Variants in FSTL4 observed in about 807,000 individuals in gnomAD.
FSTL4 encodes the protein follistatin like 4.
Under a neutral mutation model 78.2 loss-of-function variants are expected in FSTL4, and 28 were observed. The observed-to-expected ratio is 0.36, with a 90% CI of 0.27 to 0.49. The LOEUF (loss-of-function observed/expected upper bound fraction) is 0.49, where lower values mean the gene tolerates loss of function less well. Among genes scored for constraint, FSTL4 ranks in the 20% least tolerant of loss-of-function variants. The pLI is 0.98. For synonymous variants in FSTL4, 422 were observed against 440.5 expected (o/e 0.96, Z 0.53); for missense variants, 922 against 1,084.9 (o/e 0.85, Z 2.11).
intron 4 of FSTL4, among the ~76,000 whole-genome samples, chr5:133,320,265 T>C (rs559216055): frequency 6.6e-6 from 1 of 152,310 alleles, no homozygotes; most frequent in African/African-American, 2.4e-5. Context: ...GATATTTTCC[T>C]AGCAAGGTGT....
At chr5:133,213,739 T>C (rs1024389227) in intron 13 of FSTL4, among the ~76,000 whole-genome samples, 3 of 152,110 alleles carry the variant, frequency 2.0e-5, no homozygotes, top group Non-Finnish European at 2.9e-5. Flanking sequence ...AAAAGTAACA[T>C]AGTAGATAAA....
At chr5:133,812,836 T>C in the FSTL4 span, among the ~76,000 whole-genome samples, 2 of 152,226 alleles carry the variant, frequency 1.3e-5, no homozygotes, top group Admixed American at 6.5e-5. Context: ...GCCTAGCACT[T>C]GGGAGATGCT....
At chr5:133,802,530 C>T in the FSTL4 span, among the ~76,000 whole-genome samples, 75 of 152,304 alleles carry the variant, frequency 4.9e-4, no homozygotes, top group African/African-American at 1.3e-3. Context: ...GCCTGCAGGG[C>T]GCTGGCCAGC....
chr5:133,350,827 A>G (rs1754805550), intron 4 of FSTL4, among the ~76,000 whole-genome samples: 2 of 152,242 alleles, frequency 1.3e-5, no homozygotes, highest in South Asian at 4.2e-4. Context: ...GGAAAGGAAG[A>G]AGGAGGACAT....
rs867228535 is a variant in FSTL4, at chr5:133,289,142, G to C, written c.727+23512C>G. On this transcript the variant is annotated intron_variant, in intron 6 of 15. Coordinates refer to ENST00000265342, the MANE Select transcript of FSTL4 (RefSeq NM_015082.2). ...TAACAGTGGGAACCTTGGGGGCTGC[G>C]AGGTCTGGAGCCTCAGGGCAAAGCA... Among the ~76,000 whole-genome samples, 9 of 152,324 alleles carry C rather than the reference G, an allele frequency of 5.9e-5. No homozygotes were observed. In the South Asian group the frequency reaches 6.2e-4, roughly 11 times the overall value.
intron 3 of FSTL4, among the ~76,000 whole-genome samples, chr5:133,489,555 G>A (rs964445280): frequency 1.3e-5 from 2 of 152,128 alleles, no homozygotes; most frequent in African/African-American, 4.8e-5. Flanking sequence ...GAGAACTTGG[G>A]GCTAAGACTC....
chr5:133,224,631 G>T (rs1337948921), intron 10 of FSTL4, among the ~76,000 whole-genome samples: 3 of 152,202 alleles, frequency 2.0e-5, no homozygotes, highest in Non-Finnish European at 4.4e-5. Context: ...AAATGGCTTA[G>T]CCTGGAGTCT....
chr5:133,510,075 A>C (rs1380150927), intron 3 of FSTL4, among the ~76,000 whole-genome samples: 2 of 152,258 alleles, frequency 1.3e-5, no homozygotes, highest in Non-Finnish European at 1.5e-5. Context: ...TTAGTACGTT[A>C]TATCCTTTAA....
intron 3 of FSTL4, among the ~76,000 whole-genome samples, chr5:133,484,288 T>C (rs1758088064): frequency 2.0e-5 from 3 of 152,238 alleles, no homozygotes; most frequent in Admixed American, 2.0e-4. Flanking sequence ...AGCATTTCAT[T>C]GAAAGGCTTC....
At chr5:133,435,629 T>C (rs1757019497) in intron 3 of FSTL4, among the ~76,000 whole-genome samples, 1 of 152,206 alleles carries the variant, frequency 6.6e-6, no homozygotes, top group Non-Finnish European at 1.5e-5. Flanking sequence ...TGAAATGCTG[T>C]GTTAGGTTAG....
the FSTL4 span, among the ~76,000 whole-genome samples, chr5:133,767,762 T>C: frequency 2.6e-5 from 4 of 152,258 alleles, no homozygotes; most frequent in South Asian, 6.2e-4. Flanking sequence ...TCAATAATGC[T>C]CCCATGGTTC....
At chr5:133,675,103 G>A in the FSTL4 span, among the ~76,000 whole-genome samples, 1 of 152,028 alleles carries the variant, frequency 6.6e-6, no homozygotes, top group Non-Finnish European at 1.5e-5. Flanking sequence ...TTGGGGCAGG[G>A]GGGTCCACGG....
At chr5:133,379,964 A>G (rs1465469504) in intron 4 of FSTL4, among the ~76,000 whole-genome samples, 6 of 151,816 alleles carry the variant, frequency 4.0e-5, no homozygotes, top group Admixed American at 1.3e-4. Flanking sequence ...AGTCTCAGCT[A>G]CTCGGGAGGC....
chr5:133,666,084 T>TA, the FSTL4 span, among the ~76,000 whole-genome samples: 123 of 141,522 alleles, frequency 8.7e-4, 1 homozygote, highest in East Asian at 4.9e-3. Flanking sequence ...CTTGCCAATT[T>TA]AAAAAAAAAA....
chr5:133,526,420 A>G (rs1759101146), intron 3 of FSTL4, among the ~76,000 whole-genome samples: 1 of 152,294 alleles, frequency 6.6e-6, no homozygotes, highest in African/African-American at 2.4e-5. Context: ...CCATTCACAA[A>G]TAGGGAAAGC....
At chr5:133,590,026 A>G (rs192099316) in intron 2 of FSTL4, among the ~76,000 whole-genome samples, 1 of 152,330 alleles carries the variant, frequency 6.6e-6, no homozygotes, top group African/African-American at 2.4e-5. Flanking sequence ...TATTAATTCT[A>G]TCATATCAAT....
intron 4 of FSTL4, among the ~76,000 whole-genome samples, chr5:133,380,019 G>A (rs1339575581): frequency 6.6e-6 from 1 of 151,644 alleles, no homozygotes; most frequent in Admixed American, 6.6e-5. Context: ...AGGTTGCAGT[G>A]AGCCACTGCA....
the FSTL4 span, among the ~76,000 whole-genome samples, chr5:133,816,702 A>G: frequency 2.6e-5 from 4 of 152,202 alleles, no homozygotes; most frequent in Non-Finnish European, 5.9e-5. Context: ...GGAAAATAAC[A>G]TTATAGGTTT....
At chr5:133,556,210 TA>T (rs1245834907) in intron 3 of FSTL4, among the ~76,000 whole-genome samples, 7 of 152,366 alleles carry the variant, frequency 4.6e-5, no homozygotes, top group African/African-American at 1.7e-4. Context: ...AAGCCCATTT[TA>T]ATTCTTTGAT....
Sources: allele counts gnomAD v4.1 joint callset (sites outside exome capture counted in the v4.1 genomes callset), GRCh38; gene constraint gnomAD v4.1.1; transcripts MANE v1.5; gene names NCBI Gene and HGNC (gene_info 2026-07-23, HGNC 2026-07-21).